FAF1: variants seen among roughly 807,000 people sequenced by gnomAD.
FAF1 encodes Fas associated factor 1.
Under a neutral mutation model 92.5 loss-of-function variants are expected in FAF1, and 25 were observed. That is an observed-to-expected ratio of 0.27 (90% CI 0.20 to 0.38). FAF1 has a LOEUF of 0.38. Ranked by LOEUF, FAF1 falls within the 10% of genes least tolerant of loss-of-function variation. The pLI is 1.00. For missense variants in FAF1, 636 were observed against 793.3 expected (o/e 0.80, Z 2.38); for synonymous variants, 234 against 273.2 (o/e 0.86, Z 1.42).
intron 17 of FAF1, 51 bp downstream of exon 17, chr1:50,490,537 T>C: frequency 2.4e-6 from 1 of 419,158 alleles, no homozygotes; most frequent in Non-Finnish European, 4.1e-6. Context: ...ACAGCTTCAG[T>C]ATCAAATACA....
chr1:50,828,739 A>C (rs1644127377), intron 2 of FAF1, among the ~76,000 whole-genome samples: 1 of 152,236 alleles, frequency 6.6e-6, no homozygotes, highest in South Asian at 2.1e-4. Flanking sequence ...CATCTTCATG[A>C]GCTGAAGGTG....
chr1:50,789,785 G>C (rs373627352), intron 3 of FAF1, among the ~76,000 whole-genome samples: 1 of 152,170 alleles, frequency 6.6e-6, no homozygotes, highest in South Asian at 2.1e-4. Flanking sequence ...TGGCGTATGA[G>C]GCCCTGTATG....
At chr1:50,950,389 C>T (rs1321298868) in intron 1 of FAF1, among the ~76,000 whole-genome samples, 1 of 152,120 alleles carries the variant, frequency 6.6e-6, no homozygotes, top group South Asian at 2.1e-4. Context: ...ATGGGGGGAG[C>T]GGAGAAATAA....
chr1:50,627,433 C>T (rs542197089), intron 8 of FAF1, among the ~76,000 whole-genome samples: 2 of 152,172 alleles, frequency 1.3e-5, no homozygotes, highest in East Asian at 1.9e-4. Context: ...TATCTAAATG[C>T]CTGCCTCATC....
At chr1:50,650,232 C>T (rs925789492) in intron 8 of FAF1, among the ~76,000 whole-genome samples, 13 of 143,716 alleles carry the variant, frequency 9.0e-5, no homozygotes, top group African/African-American at 2.6e-4. Context: ...TGCGGTGAGC[C>T]GGGATCACAC....
chr1:50,909,250 A>C (rs1233084619), intron 1 of FAF1, among the ~76,000 whole-genome samples: 1 of 152,236 alleles, frequency 6.6e-6, no homozygotes, highest in Admixed American at 6.5e-5. Flanking sequence ...ATCCGCTGTT[A>C]GTCTGATGGA....
At chr1:50,642,743 A>AG (rs397734559) in intron 8 of FAF1, among the ~76,000 whole-genome samples, 4 of 151,536 alleles carry the variant, frequency 2.6e-5, no homozygotes, top group Non-Finnish European at 5.9e-5. Context: ...TTTTAATGTA[A>AG]TTCATACTTA....
At chr1:50,949,569 T>C (rs1387108398) in intron 1 of FAF1, among the ~76,000 whole-genome samples, 1 of 152,236 alleles carries the variant, frequency 6.6e-6, no homozygotes, top group Non-Finnish European at 1.5e-5. Context: ...GTAAATATTT[T>C]AGGCTTTGCA....
intron 8 of FAF1, among the ~76,000 whole-genome samples, chr1:50,622,093 A>G (rs1423094969): frequency 2.0e-5 from 3 of 149,590 alleles, no homozygotes; most frequent in Non-Finnish European, 4.4e-5. Flanking sequence ...TGAATTCGGG[A>G]GGTGGAGGTT....
At chr1:50,772,272 T>C (rs528356413) in intron 4 of FAF1, among the ~76,000 whole-genome samples, 16 of 152,350 alleles carry the variant, frequency 1.1e-4, no homozygotes, top group African/African-American at 3.8e-4. Flanking sequence ...GTTCAGCCTT[T>C]GTGGAAAGCA....
At chr1:50,683,091 A>C (rs937874825) in intron 7 of FAF1, among the ~76,000 whole-genome samples, 2 of 152,212 alleles carry the variant, frequency 1.3e-5, no homozygotes, top group Non-Finnish European at 2.9e-5. Flanking sequence ...AAATTTAACA[A>C]GAAATTAAAA....
chr1:50,675,398 A>C (rs1268526285), intron 7 of FAF1, among the ~76,000 whole-genome samples: 1 of 152,244 alleles, frequency 6.6e-6, no homozygotes, highest in African/African-American at 2.4e-5. Context: ...GGCAAATGGC[A>C]TTCAGCCTTT....
chr1:50,710,656 G>A (rs993787845), intron 6 of FAF1, among the ~76,000 whole-genome samples: 5 of 151,658 alleles, frequency 3.3e-5, no homozygotes, highest in African/African-American at 1.2e-4. Flanking sequence ...AGGCTGGAGT[G>A]CAGTGGTGCG....
At chr1:50,720,684 C>G (rs556073149) in intron 6 of FAF1, among the ~76,000 whole-genome samples, 4 of 152,238 alleles carry the variant, frequency 2.6e-5, no homozygotes, top group East Asian at 3.9e-4. Context: ...CCTGAACCCC[C>G]ACCCTAGGAA....
chr1:50,885,342 T>TCTCTCTCC (rs138529130), intron 1 of FAF1, among the ~76,000 whole-genome samples: 37 of 140,826 alleles, frequency 2.6e-4, no homozygotes, highest in East Asian at 2.0e-3. Flanking sequence ...TCTCTCTCTC[T>TCTCTCTCC]CAATATTTGC....
At chr1:50,734,474 C>G (rs943502325) in intron 6 of FAF1, among the ~76,000 whole-genome samples, 18 of 152,150 alleles carry the variant, frequency 1.2e-4, no homozygotes, top group Admixed American at 3.9e-4. Flanking sequence ...ATGGCTCAAG[C>G]CTGTAATCCC....
Position 50,819,786 on chromosome 1 carries a change from TAC to T in FAF1, c.115-18111_115-18110del, listed in dbSNP as rs1418317218. Among the ~76,000 whole-genome samples, 149 of 82,948 alleles carry T rather than the reference TAC, an allele frequency of 1.8e-3. 5 individuals carry two copies. Among genetic ancestry groups the T allele is most frequent in the African/African-American group, 3.2e-3 (73 of 22,936 alleles). 54.4% of individuals were successfully genotyped at this position (82,948 alleles called of 152,430 possible). ...ATACGTATATATATATACATATATA[TAC>T]ATATATATATATACATATATATATA... On this transcript the variant is annotated intron_variant, in intron 2 of 18. Transcript: ENST00000396153.
chr1:50,778,450 A>C (rs1661041302), intron 4 of FAF1, among the ~76,000 whole-genome samples: 1 of 151,998 alleles, frequency 6.6e-6, no homozygotes, highest in African/African-American at 2.4e-5. Context: ...ATAGCTTTTG[A>C]CTCTCCAAAA....
intron 6 of FAF1, among the ~76,000 whole-genome samples, chr1:50,708,148 A>C (rs939366572): frequency 6.6e-6 from 1 of 152,156 alleles, no homozygotes. Context: ...GTAAGATATG[A>C]CTTACATTTA....
Sources: allele counts gnomAD v4.1 joint callset (sites outside exome capture counted in the v4.1 genomes callset), GRCh38; gene constraint gnomAD v4.1.1; transcripts MANE v1.5; gene names NCBI Gene and HGNC (gene_info 2026-07-23, HGNC 2026-07-21).